Variants in DNAH5 observed in about 807,000 individuals in gnomAD.
DNAH5 encodes the protein axonemal beta dynein heavy chain 5.
In DNAH5, 372 loss-of-function variants were observed where a neutral mutation model predicts 518.2. That is an observed-to-expected ratio of 0.72 (90% confidence interval 0.66 to 0.78). The LOEUF (loss-of-function observed/expected upper bound fraction) is 0.78. Ranked by LOEUF, DNAH5 falls within the 30% of genes least tolerant of loss-of-function variation. The pLI, the probability that DNAH5 is intolerant of heterozygous loss-of-function variation, is 0.00. For synonymous variants in DNAH5, 2,039 were observed against 2,025.9 expected (o/e 1.01, Z -0.17); for missense variants, 5,523 against 5,687.0 (o/e 0.97, Z 0.93).
chr5:13,916,838 T>C (rs1776696958), intron 8 of DNAH5, among the ~76,000 whole-genome samples: 1 of 152,110 alleles, frequency 6.6e-6, no homozygotes, highest in Non-Finnish European at 1.5e-5. Context: ...CTTTGGGGTA[T>C]ATAGTTCAGA....
rs114374038 is a variant in DNAH5 at position 13,768,176 on chromosome 5, C to T, written c.9897+784G>A. On this transcript the variant is annotated intron_variant, in intron 58 of 78. Transcript: ENST00000265104. ...AAATCTCATCGCAAACTGTAATCTCCACATGTCAAGGGAGGGACCTGGTGG... is the reference window on the plus strand; with the variant it reads ...AAATCTCATCGCAAACTGTAATCTCTACATGTCAAGGGAGGGACCTGGTGG... 3.4e-3 allele frequency among the ~76,000 whole-genome samples: 512 copies of T among 152,262 alleles called. 5 individuals carry two copies. Among genetic ancestry groups the T allele is most frequent in the African/African-American group, 0.012 (490 of 41,552 alleles).
intron 15 of DNAH5, 146 bp downstream of exon 15, chr5:13,900,060 G>A (rs1350039811): frequency 5.5e-6 from 4 of 733,340 alleles, no homozygotes; most frequent in East Asian, 2.7e-5. Context: ...AGCCAACTCT[G>A]CAGCTGCACC....
intron 60 of DNAH5, among the ~76,000 whole-genome samples, chr5:13,761,326 G>A (rs1341238111): frequency 6.6e-6 from 1 of 152,202 alleles, no homozygotes; most frequent in Non-Finnish European, 1.5e-5. Flanking sequence ...GGGCACAGTG[G>A]CTCACGCCTG....
In DNAH5 at chr5:13,844,833, G is replaced by C; in HGVS notation, c.5271+4C>G. The C allele has an allele frequency of 6.2e-7, 1 of 1,614,122 alleles. No homozygotes were observed. Among genetic ancestry groups the C allele is most frequent in the East Asian group, 2.2e-5 (1 of 44,876 alleles). On this transcript the variant is annotated splice_donor_region_variant and intron_variant, in intron 32 of 78. Coordinates refer to ENST00000265104, the MANE Select transcript of DNAH5 (RefSeq NM_001369.3). ...TGTTGGCCTGCCATTAGAATTAGGC[G>C]AACCTTTTCGTGGAACTTGACAGAT... is the stretch of plus-strand genomic sequence containing the variant.
intron 1 of DNAH5, among the ~76,000 whole-genome samples, chr5:13,994,494 G>C (rs914970799): frequency 6.6e-6 from 1 of 152,138 alleles, no homozygotes; most frequent in East Asian, 1.9e-4. Flanking sequence ...ACAAAGAGTA[G>C]AATCCTGTTA....
intron 1 of DNAH5, among the ~76,000 whole-genome samples, chr5:14,002,369 T>TATG: frequency 6.6e-6 from 1 of 152,224 alleles, no homozygotes; most frequent in African/African-American, 2.4e-5. Context: ...TTTTATGTTT[T>TATG]TTTCTAAGGT....
chr5:13,750,163 A>G (rs1750016860), intron 65 of DNAH5, among the ~76,000 whole-genome samples: 1 of 152,180 alleles, frequency 6.6e-6, no homozygotes, highest in Non-Finnish European at 1.5e-5. Flanking sequence ...AAAGGTACAG[A>G]CAAGGGGAGG....
At chr5:13,842,428 AAAGAAAGAAAGAAAG>A (rs1765328948) in intron 32 of DNAH5, among the ~76,000 whole-genome samples, 1 of 47,618 alleles carries the variant, frequency 2.1e-5, no homozygotes, top group African/African-American at 8.0e-5. Flanking sequence ...AAAAGAAAAG[AAAGAAAGAAAGAAAG>A]AAAGAAAGAA....
intron 32 of DNAH5, among the ~76,000 whole-genome samples, chr5:13,842,425 A>AGAAAGAGAG (rs760062438): frequency 4.5e-4 from 17 of 38,096 alleles, no homozygotes; most frequent in African/African-American, 1.5e-3. Context: ...AAGAAAAGAA[A>AGAAAGAGAG]AGAAAGAAAG....
chr5:13,740,733 A>G (rs1221209338), intron 65 of DNAH5, among the ~76,000 whole-genome samples: 2 of 152,076 alleles, frequency 1.3e-5, no homozygotes, highest in South Asian at 2.1e-4. Context: ...TGTTCTTCCA[A>G]ATAACTCACT....
In DNAH5 at chr5:13,770,945, A is replaced by G; in HGVS notation, c.9409T>C (p.Cys3137Arg). The change falls in exon 56 of 79, where the codon TGC becomes CGC. Residue 3137 changes from cysteine to arginine, a missense_variant. Physicochemically the swap from Cys to Arg is radical, Grantham distance 180. Coordinates refer to ENST00000265104, the MANE Select transcript of DNAH5 (RefSeq NM_001369.3). ...EHFLTSYDID[C>R]SLEIKKEVVQ... ...ACCTCCTTCTTGATTTCCAAACTGC[A>G]GTCAATATCATAGGAAGTGAGGAAG... is the stretch of plus-strand genomic sequence containing the variant. The G allele has an allele frequency of 6.2e-7, 1 of 1,614,060 alleles. No individual in the cohort carries two copies. Among genetic ancestry groups the G allele is most frequent in the Non-Finnish European group, 8.5e-7 (1 of 1,179,938 alleles).
At chr5:13,832,545 C>T (rs934263467) in intron 35 of DNAH5, among the ~76,000 whole-genome samples, 6 of 152,200 alleles carry the variant, frequency 3.9e-5, no homozygotes, top group Admixed American at 3.3e-4. Flanking sequence ...TTTTCAAAAC[C>T]GTTTCCATTC....
intron 65 of DNAH5, among the ~76,000 whole-genome samples, chr5:13,747,558 G>C (rs1440522385): frequency 6.6e-6 from 1 of 152,124 alleles, no homozygotes; most frequent in Non-Finnish European, 1.5e-5. Flanking sequence ...GTTGCTTCCT[G>C]ACTTTTTAAT....
At chr5:13,945,213 A>G (rs2152029966), upstream of DNAH5, among the ~76,000 whole-genome samples, 1 of 152,374 alleles carries the variant, frequency 6.6e-6, no homozygotes, top group South Asian at 2.1e-4. Flanking sequence ...TGTAATGGGA[A>G]AACACTGCCA....
chr5:13,871,615 T>C lies in DNAH5; in HGVS notation c.3547A>G (p.Ile1183Val), dbSNP rs1770114310. Residue 1183 changes from isoleucine (I) to valine (V), a missense_variant, in exon 23 of 79, where the codon ATT (isoleucine) becomes GTT (valine). Around this residue, in one of 3 missense-constraint regions of DNAH5, gnomAD observed 5,121 missense variants for 5,223.3 expected, o/e 0.98. Transcript: ENST00000265104. ...ILYFQNLEQE[I>V]NAEPEYVCVG... ...CAGACATATTCAGGCTCAGCATTAA[T>C]TTCCTGCTCTAGGTTTTGGAAATAG... 1.2e-6 allele frequency: 2 copies of C among 1,613,850 alleles called. No individual in the cohort carries two copies. The highest frequency in any genetic ancestry group is 1.7e-6 in the Non-Finnish European group (2 of 1,179,798).
intron 30 of DNAH5, among the ~76,000 whole-genome samples, chr5:13,858,981 A>AG (rs1195562350): frequency 2.6e-5 from 4 of 152,322 alleles, no homozygotes; most frequent in Admixed American, 1.3e-4. Context: ...CTTGAAAAGA[A>AG]GGTCTTTTTG....
chr5:13,820,824 C>CAAAAAA (rs70964510), intron 40 of DNAH5, among the ~76,000 whole-genome samples: 1 of 66,458 alleles, frequency 1.5e-5, no homozygotes, highest in African/African-American at 7.3e-5. Context: ...TACTCCGTCT[C>CAAAAAA]AAAAAAAAAA....
intron 65 of DNAH5, 24 bp downstream of exon 65, chr5:13,751,054 G>A (rs1309255649): frequency 2.5e-6 from 4 of 1,612,062 alleles, no homozygotes; most frequent in African/African-American, 2.7e-5. Context: ...AATGCAGAAT[G>A]GGAGGGAGCC....
chr5:13,862,508 G>A lies in DNAH5; in HGVS notation c.4796+40C>T, dbSNP rs372618235. The A allele has an allele frequency of 5.1e-6, 8 of 1,576,224 alleles. No individual in the cohort carries two copies. In the African/African-American group the frequency reaches 5.4e-5, roughly 11 times the overall value. Reference sequence around the variant, plus strand: ...ATTAATTTTAAATGTTTGCTATTACGGTTCTCAAATCTAAGGGAAAAGATA... The same window carrying A: ...ATTAATTTTAAATGTTTGCTATTACAGTTCTCAAATCTAAGGGAAAAGATA... On this transcript the variant is annotated intron_variant, in intron 29 of 78. Transcript: ENST00000265104.
Sources: allele counts gnomAD v4.1 joint callset (sites outside exome capture counted in the v4.1 genomes callset), GRCh38; gene constraint gnomAD v4.1.1; regional missense constraint gnomAD v4.1.1; transcripts MANE v1.5; gene names NCBI Gene and HGNC (gene_info 2026-07-23, HGNC 2026-07-21).